Variants in TIAM2 observed in about 807,000 individuals in gnomAD.
TIAM2 encodes TIAM Rac1 associated GEF 2, also known as rho guanine nucleotide exchange factor TIAM2.
In TIAM2, 80 loss-of-function variants were observed where a neutral mutation model predicts 152.9. The observed-to-expected ratio is 0.52, with a 90% CI of 0.44 to 0.63. The LOEUF is 0.63. Ranked by LOEUF, TIAM2 falls within the 30% of genes least tolerant of loss-of-function variation. The pLI is 0.00. For synonymous variants in TIAM2, 804 were observed against 838.0 expected, an observed-to-expected ratio of 0.96 and a Z score of 0.70; for missense variants, 1,965 against 2,120.1, an observed-to-expected ratio of 0.93 and a Z score of 1.44.
Position 155,251,021 on chromosome 6 carries a change from G to C in TIAM2, c.4060G>C (p.Val1354Leu). 6.2e-7 allele frequency: 1 copy of C among 1,613,466 alleles called. No individual in the cohort carries two copies. The highest frequency in any genetic ancestry group is 2.2e-5 in the East Asian group (1 of 44,848). Residue 1354 changes from valine (V) to leucine (L), a missense_variant and splice_region_variant, in exon 22 of 27, where the codon GTT (valine) becomes CTT (leucine). Transcript: ENST00000682666. The stretch of plus-strand genomic sequence containing the variant: ...AAAGGACCTTGAGCTCACAGTATTT[G>C]GTTAGTATTCCATTCAGAAGAATGC... ...ARKDLELTVF[V>L]FKRAVILVYK...
chr6:155,163,753 G>C (rs2115097499), intron 7 of TIAM2, among the ~76,000 whole-genome samples: 1 of 152,266 alleles, frequency 6.6e-6, no homozygotes, highest in East Asian at 1.9e-4. Context: ...TTAGGATCAG[G>C]GACTGTAAAT....
intron 9 of TIAM2, among the ~76,000 whole-genome samples, chr6:155,169,153 G>T (rs1261721699): frequency 6.6e-6 from 1 of 151,954 alleles, no homozygotes; most frequent in African/African-American, 2.4e-5. Context: ...CCGCCACCAC[G>T]CCCGGCTAAT....
intron 7 of TIAM2, chr6:155,149,292 GGGGAATCCGGGTGATTCA>G (rs1779892709): frequency 6.0e-6 from 1 of 167,086 alleles, no homozygotes; most frequent in African/African-American, 2.4e-5. Flanking sequence ...TGTCTTGAAG[GGGGAATCCGGGTGATTCA>G]CTATAGAATC....
At position 155,047,058 on chromosome 6, in the gene TIAM2, A is replaced by C. The variant is rs114466122; in HGVS notation, c.-208-43231A>C. The stretch of plus-strand genomic sequence containing the variant: ...GTTTGGTCTGGGGCCAGGACAGAAA[A>C]CGTCTTTAATGTGCTTTTTTAATCC... On this transcript the variant is annotated intron_variant, in intron 1 of 26. Coordinates refer to ENST00000682666, the MANE Select transcript of TIAM2 (RefSeq NM_012454.4). Among the ~76,000 whole-genome samples the C allele has an allele frequency of 5.6e-3, 855 of 152,258 alleles. 8 individuals carry two copies. The highest frequency in any genetic ancestry group is 0.018 in the African/African-American group (763 of 41,542).
At position 155,124,851 on chromosome 6, in the gene TIAM2, T is replaced by C. The variant is rs79677504; in HGVS notation, c.-117-2639T>C. Among the ~76,000 whole-genome samples, 566 of 151,634 alleles carry C rather than the reference T, an allele frequency of 3.7e-3. 3 individuals are homozygous for C. Among genetic ancestry groups the C allele is most frequent in the Non-Finnish European group, 6.5e-3 (444 of 67,916 alleles). The stretch of plus-strand genomic sequence containing the variant: ...TTCCTGCCAATGGCCAAGTGGAAAA[T>C]CTATTTGACTTTTTTTTTTTTTTTT... On this transcript the variant is annotated intron_variant, in intron 2 of 26. Transcript: ENST00000682666.
At chr6:155,238,113 A>G (rs1782865084) in intron 15 of TIAM2, among the ~76,000 whole-genome samples, 1 of 152,140 alleles carries the variant, frequency 6.6e-6, no homozygotes, top group African/African-American at 2.4e-5. Context: ...CTGTTTAGAA[A>G]TTTCTTCTCC....
Position 154,995,649 on chromosome 6 carries a change from G to A in TIAM2, c.-209+157G>A, listed in dbSNP as rs1778199564. ...CTGCCCCCGCTTTCCTGGGAGTCCC[G>A]CGGAAGGTCGCGGCTGCGGGGCGCG... On this transcript the variant is annotated intron_variant, in intron 1 of 26. Transcript: ENST00000682666. The surrounding 1 kb of genome is among the most constrained non-coding windows in gnomAD (Gnocchi z 5.2). Among the ~76,000 whole-genome samples, 1 of 151,902 alleles carries A rather than the reference G, an allele frequency of 6.6e-6. No homozygotes were observed. Among genetic ancestry groups the A allele is most frequent in the African/African-American group, 2.4e-5 (1 of 41,398 alleles).
chr6:155,187,184 G>A (rs1781059700), intron 14 of TIAM2, among the ~76,000 whole-genome samples: 1 of 152,120 alleles, frequency 6.6e-6, no homozygotes, highest in Non-Finnish European at 1.5e-5. Context: ...ACAGAGTTCA[G>A]GGCTTTCAGT....
chr6:155,058,906 A>G (rs765932337), intron 1 of TIAM2, among the ~76,000 whole-genome samples: 3 of 152,226 alleles, frequency 2.0e-5, no homozygotes, highest in Non-Finnish European at 2.9e-5. Context: ...AGCACAGAGG[A>G]ATGGTATCTA....
At chr6:155,015,126 G>A (rs1457411985) in intron 1 of TIAM2, among the ~76,000 whole-genome samples, 1 of 152,094 alleles carries the variant, frequency 6.6e-6, no homozygotes, top group Non-Finnish European at 1.5e-5. Flanking sequence ...TCCGCACAGG[G>A]GGGATAAGAA....
chr6:155,064,754 C>T lies in TIAM2; in HGVS notation c.-208-25535C>T, dbSNP rs1239246463. Reference sequence around the variant, plus strand: ...AGAACAAGGCATCCTTCTTTCAGGCCGCATATTTATTCCCAGCTCTAGTTA... The same window carrying T: ...AGAACAAGGCATCCTTCTTTCAGGCTGCATATTTATTCCCAGCTCTAGTTA... On this transcript the variant is annotated intron_variant, in intron 1 of 26. Transcript: ENST00000682666. Among the ~76,000 whole-genome samples, 6 of 152,090 alleles carry T rather than the reference C, an allele frequency of 3.9e-5. No individual in the cohort carries two copies. The East Asian group carries it at 5.8e-4, about 15-fold the overall frequency.
Position 155,052,966 on chromosome 6 carries a change from G to C in TIAM2, c.-208-37323G>C, listed in dbSNP as rs374288394. Among the ~76,000 whole-genome samples, 47 of 152,146 alleles carry C rather than the reference G, an allele frequency of 3.1e-4. No individual in the cohort carries two copies. The South Asian group carries it at 8.3e-3, about 27-fold the overall frequency. ...TTAATTTAGAATCTAGGAGAATTGC[G>C]TTATTAATGAGTATCTGTTGAATGA... is the stretch of plus-strand genomic sequence containing the variant. On this transcript the variant is annotated intron_variant, in intron 1 of 26. Coordinates refer to ENST00000682666, the MANE Select transcript of TIAM2 (RefSeq NM_012454.4).
chr6:155,145,903 C>G (rs777951530), intron 6 of TIAM2, among the ~76,000 whole-genome samples: 3 of 152,126 alleles, frequency 2.0e-5, no homozygotes, highest in Non-Finnish European at 4.4e-5. Flanking sequence ...TTTGATTTTC[C>G]TTTTCTTAAC....
intron 15 of TIAM2, among the ~76,000 whole-genome samples, chr6:155,234,274 TA>T (rs1354715322): frequency 6.6e-6 from 1 of 152,150 alleles, no homozygotes. Flanking sequence ...CTCCCAGCCC[TA>T]AGTTATGATC....
intron 1 of TIAM2, chr6:155,013,534 A>G (rs1366072416): frequency 1.3e-5 from 2 of 152,130 alleles, no homozygotes; most frequent in African/African-American, 4.8e-5. Context: ...GGAAAGCCAT[A>G]TTGTACACGA....
chr6:155,105,290 A>G (rs1778655212), intron 2 of TIAM2, among the ~76,000 whole-genome samples: 1 of 151,570 alleles, frequency 6.6e-6, no homozygotes, highest in African/African-American at 2.4e-5. Context: ...AGGTGAGACT[A>G]TAGGTGCATG....
chr6:155,247,434 T>C (rs964215387), intron 19 of TIAM2, among the ~76,000 whole-genome samples: 2 of 152,152 alleles, frequency 1.3e-5, no homozygotes, highest in African/African-American at 4.8e-5. Context: ...GTTCAGGTGA[T>C]TCTCCTCCCT....
intron 22 of TIAM2, among the ~76,000 whole-genome samples, chr6:155,251,410 C>T (rs556419751): frequency 6.6e-6 from 1 of 152,304 alleles, no homozygotes; most frequent in East Asian, 1.9e-4. Flanking sequence ...CCTAAGCCTC[C>T]TGAGTAGCTG....
At chr6:155,151,449 T>G (rs2352152) in intron 7 of TIAM2, among the ~76,000 whole-genome samples, 70,371 of 152,096 alleles carry the variant, frequency 0.46, 16,858 homozygotes, top group Middle Eastern at 0.56. Flanking sequence ...ACCTAATCAT[T>G]GCCCCTTTTA....
Sources: allele counts gnomAD v4.1 joint callset (sites outside exome capture counted in the v4.1 genomes callset), GRCh38; gene constraint gnomAD v4.1.1; non-coding constraint Gnocchi (gnomAD v3.1); transcripts MANE v1.5; gene names NCBI Gene and HGNC (gene_info 2026-07-23, HGNC 2026-07-21).